The following SULT2A1 variants were observed in gnomAD, a reference collection of about 807,000 sequenced individuals.
SULT2A1 encodes the protein sulfotransferase 2A1.
In SULT2A1, 43 loss-of-function variants were observed where a neutral mutation model predicts 33.9. The observed-to-expected ratio is 1.27, with a 90% CI of 1.00 to 1.64. The LOEUF is 1.64. Among genes scored for constraint, SULT2A1 ranks in the 40% most tolerant of loss-of-function variants. The pLI, the probability that SULT2A1 is intolerant of heterozygous loss-of-function variation, is 0.00. For missense variants in SULT2A1, 300 were observed against 335.1 expected (o/e 0.90, Z 0.82); for synonymous variants, 125 against 113.6 (o/e 1.10, Z -0.64).
chr19:47,873,126 C>T (rs1045572678), intron 5 of SULT2A1, among the ~76,000 whole-genome samples: 5 of 151,948 alleles, frequency 3.3e-5, no homozygotes, highest in Non-Finnish European at 7.4e-5. Flanking sequence ...TTTTCTTCCA[C>T]GGAGGACTGT....
chr19:47,881,027 A>C lies in SULT2A1; in HGVS notation c.472+1057T>G, dbSNP rs62530969. Among the ~76,000 whole-genome samples the C allele has an allele frequency of 3.3e-3, 509 of 152,168 alleles. 3 individuals are homozygous for C. The highest frequency in any genetic ancestry group is 0.031 in the Middle Eastern group (9 of 294). ...GAGTAAGATAAACCCCACGCAGTTA[A>C]GAAAGGTGTTCAAATGTTTTTATTT... On this transcript the variant is annotated intron_variant, in intron 3 of 5. Transcript: ENST00000222002.
chr19:47,886,121 C>A lies in SULT2A1; in HGVS notation c.136+1G>T, dbSNP rs779671480. 3 of 1,613,632 alleles carry A rather than the reference C, an allele frequency of 1.9e-6. No homozygotes were observed. Among genetic ancestry groups the A allele is most frequent in the Non-Finnish European group, 2.5e-6 (3 of 1,179,796 alleles). ...CTCAGTTCACGATTCTGCCTCCTTA[C>A]CTGATTTGGGGTAAGTCAATATTAT... On this transcript the variant is annotated splice_donor_variant, in intron 1 of 5. Coordinates refer to ENST00000222002, the MANE Select transcript of SULT2A1 (RefSeq NM_003167.4). LOFTEE classifies it high-confidence loss of function.
At chr19:47,878,697 A>G (rs971981069) in intron 4 of SULT2A1, among the ~76,000 whole-genome samples, 1 of 151,674 alleles carries the variant, frequency 6.6e-6, no homozygotes, top group African/African-American at 2.4e-5. Flanking sequence ...TTGTATTTGT[A>G]GTAGAGATGG....
At chr19:47,882,543 A>C (rs1362665378) in intron 2 of SULT2A1, among the ~76,000 whole-genome samples, 1 of 152,164 alleles carries the variant, frequency 6.6e-6, no homozygotes, top group Non-Finnish European at 1.5e-5. Flanking sequence ...AGGAGAATGA[A>C]TTCATAAATT....
chr19:47,873,552 C>T (rs531731967), intron 5 of SULT2A1, among the ~76,000 whole-genome samples: 8 of 151,362 alleles, frequency 5.3e-5, no homozygotes, highest in African/African-American at 1.9e-4. Context: ...AGCAAAGTCT[C>T]TCTTCTCTCC....
chr19:47,871,647 G>C, intron 5 of SULT2A1, 80 bp from the exon 6 acceptor site: 1 of 926,482 alleles, frequency 1.1e-6, no homozygotes, highest in Non-Finnish European at 1.8e-6. Context: ...CATGGACATT[G>C]TAGCTAACAT....
chr19:47,875,152 C>A (rs1968530909), intron 4 of SULT2A1, among the ~76,000 whole-genome samples: 1 of 55,654 alleles, frequency 1.8e-5, no homozygotes. Flanking sequence ...CAGAGTGAGA[C>A]CTTGTCAAAA....
rs1368495524 is a variant in SULT2A1 at position 47,874,679 on chromosome 19, G to C, written c.723C>G (p.Asp241Glu). 1 of 1,611,750 alleles carries C rather than the reference G, an allele frequency of 6.2e-7. No homozygotes were observed. The highest frequency in any genetic ancestry group is 8.5e-7 in the Non-Finnish European group (1 of 1,178,966). ...TACCTTTTCTCAGAAGTTGTGCTTTGTCCACTACATAATCAACACTCAGGA... is the reference window on the plus strand; with the variant it reads ...TACCTTTTCTCAGAAGTTGTGCTTTCTCCACTACATAATCAACACTCAGGA... ...YSLLSVDYVV[D>E]KAQLLRKGVS... is the part of the protein sequence containing the mutation. Residue 241 changes from aspartate (D) to glutamate (E), a missense_variant, in exon 5 of 6, where the codon GAC becomes GAG. Coordinates refer to ENST00000222002, the MANE Select transcript of SULT2A1 (RefSeq NM_003167.4).
intron 4 of SULT2A1, among the ~76,000 whole-genome samples, chr19:47,875,038 G>A (rs933890340): frequency 1.3e-5 from 2 of 151,452 alleles, no homozygotes; most frequent in Non-Finnish European, 2.9e-5. Flanking sequence ...GGTGGGCGCC[G>A]GTAATCCCAG....
rs62531041 is a variant in SULT2A1, at chr19:47,876,089, C to T, written c.568-1255G>A. Among the ~76,000 whole-genome samples, 704 of 152,296 alleles carry T rather than the reference C, an allele frequency of 4.6e-3. 5 individuals carry two copies. The highest frequency in any genetic ancestry group is 7.8e-3 in the Non-Finnish European group (532 of 68,026). On this transcript the variant is annotated intron_variant, in intron 4 of 5. Transcript: ENST00000222002. ...GGAGTGCAGTGGCATGATCTCAGCTCACTGCAACCTCCGCCTCCCAGGCTC... is the reference window on the plus strand; with the variant it reads ...GGAGTGCAGTGGCATGATCTCAGCTTACTGCAACCTCCGCCTCCCAGGCTC...
chr19:47,877,166 C>T (rs564649513), intron 4 of SULT2A1, among the ~76,000 whole-genome samples: 2 of 151,294 alleles, frequency 1.3e-5, no homozygotes, highest in South Asian at 2.1e-4. Context: ...TGGGACGTGA[C>T]GTTTCCCAGG....
chr19:47,886,163 A>G lies in SULT2A1; in HGVS notation c.95T>C (p.Ile32Thr), dbSNP rs764307310. ...CAATATTATTACATCTTCATCCCTT[A>G]TCACGAACTCATCACGTACTTTTCT... The part of the protein sequence containing the change: ...TLRKVRDEFV[I>T]RDEDVIILTY... Residue 32 changes from isoleucine (I) to threonine (T), a missense_variant, in exon 1 of 6, where the codon ATA becomes ACA. Physicochemically the swap from Ile to Thr is moderately conservative, Grantham distance 89. Coordinates refer to ENST00000222002, the MANE Select transcript of SULT2A1 (RefSeq NM_003167.4). The G allele has an allele frequency of 1.2e-6, 2 of 1,614,126 alleles. No homozygotes were observed. The highest frequency in any genetic ancestry group is 2.2e-5 in the South Asian group (2 of 91,078).
At chr19:47,873,813 T>TG (rs1250392091) in intron 5 of SULT2A1, among the ~76,000 whole-genome samples, 2 of 151,496 alleles carry the variant, frequency 1.3e-5, no homozygotes, top group Non-Finnish European at 1.5e-5. Context: ...TTAGTGGAGA[T>TG]GGGGTTTCAC....
chr19:47,882,302 G>A, intron 2 of SULT2A1, 92 bp from the exon 3 acceptor site: 3 of 1,449,726 alleles, frequency 2.1e-6, no homozygotes, highest in Non-Finnish European at 1.9e-6. Flanking sequence ...CCAATTCCTG[G>A]ATAATGCCTA....
At chr19:47,885,779 C>T (rs1194126192) in intron 1 of SULT2A1, among the ~76,000 whole-genome samples, 1 of 152,150 alleles carries the variant, frequency 6.6e-6, no homozygotes, top group East Asian at 1.9e-4. Flanking sequence ...TAATTTCATA[C>T]TCATTCTTTG....
intron 1 of SULT2A1, among the ~76,000 whole-genome samples, chr19:47,885,627 C>G (rs1652863426): frequency 6.6e-6 from 1 of 152,152 alleles, no homozygotes; most frequent in South Asian, 2.1e-4. Context: ...ATCCGCAGTG[C>G]TCTTACCGCC....
chr19:47,877,860 CT>C (rs1392380454), intron 4 of SULT2A1, among the ~76,000 whole-genome samples: 1 of 152,152 alleles, frequency 6.6e-6, no homozygotes, highest in African/African-American at 2.4e-5. Flanking sequence ...TCAAGTTGTT[CT>C]TTCAATACTT....
Position 47,874,835 on chromosome 19 carries a change from C to T in SULT2A1, c.568-1G>A, listed in dbSNP as rs760732288. ...TCTTCTCTATGGTTCTTCCTGTGTC[C>T]TAAAAAAGAAAAATCAAGAGAGAGG... On this transcript the variant is annotated splice_acceptor_variant, in intron 4 of 5. Coordinates refer to ENST00000222002, the MANE Select transcript of SULT2A1 (RefSeq NM_003167.4). LOFTEE classifies it high-confidence loss of function. 1.2e-6 allele frequency: 2 copies of T among 1,610,036 alleles called. No homozygotes were observed. Among genetic ancestry groups the T allele is most frequent in the East Asian group, 2.2e-5 (1 of 44,810 alleles).
intron 4 of SULT2A1, among the ~76,000 whole-genome samples, chr19:47,876,892 G>C (rs748332559): frequency 1.5e-4 from 22 of 151,404 alleles, no homozygotes; most frequent in Non-Finnish European, 2.8e-4. Flanking sequence ...GGGCAACATG[G>C]TGAAACCCTG....
Sources: allele counts gnomAD v4.1 joint callset (sites outside exome capture counted in the v4.1 genomes callset), GRCh38; gene constraint gnomAD v4.1.1; transcripts MANE v1.5; gene names NCBI Gene and HGNC (gene_info 2026-07-23, HGNC 2026-07-21).